Variants in DMBT1 observed in about 807,000 individuals in gnomAD.
The protein encoded by DMBT1 is deleted in malignant brain tumors 1, also known as scavenger receptor cysteine-rich domain-containing protein DMBT1.
Under a neutral mutation model 252.9 loss-of-function variants are expected in DMBT1, and 198 were observed. The ratio of observed to expected loss-of-function variants is 0.78; its 90% CI spans 0.70 to 0.88. The LOEUF is 0.88. Ranked by LOEUF, DMBT1 falls within the 40% of genes least tolerant of loss-of-function variation. The pLI is 0.00. For synonymous variants in DMBT1, 990 were observed against 942.7 expected, an observed-to-expected ratio of 1.05 and a Z score of -0.92; for missense variants, 2,432 against 2,404.7, an observed-to-expected ratio of 1.01 and a Z score of -0.24.
Position 122,598,871 on chromosome 10 carries a change from C to T in DMBT1, c.3054C>T (p.Cys1018=), listed in dbSNP as rs370910577. 2.0e-4 allele frequency: 324 copies of T among 1,613,774 alleles called. 1 individual carries two copies. The highest frequency in any genetic ancestry group is 1.6e-3 in the African/African-American group (122 of 75,038). The stretch of plus-strand genomic sequence containing the variant: ...ACCAAGGCTCCTGGGGCACCGTGTG[C>T]GATGACAGCTGGGACACCAATGATG... ...VLYQGSWGTV[C]DDSWDTNDAN... Residue 1018 remains cysteine (C), a synonymous_variant, in exon 26 of 56, where the codon TGC becomes TGT. Transcript: ENST00000338354.
intron 1 of DMBT1, 34 bp downstream of exon 1, chr10:122,560,865 T>C (rs767455945): frequency 8.6e-5 from 129 of 1,507,382 alleles, no homozygotes; most frequent in Non-Finnish European, 1.1e-4. Flanking sequence ...CATTAATTTC[T>C]CTCCTGCAGA....
At chr10:122,564,987 C>A (rs181243723) in intron 1 of DMBT1, among the ~76,000 whole-genome samples, 127 of 152,134 alleles carry the variant, frequency 8.3e-4, no homozygotes, top group Non-Finnish European at 1.4e-3. Flanking sequence ...TTTTTAACTG[C>A]ATTCAATGAA....
chr10:122,619,203 G>A, intron 41 of DMBT1, 105 bp from the exon 42 acceptor site: 1 of 1,427,946 alleles, frequency 7.0e-7, no homozygotes, highest in Non-Finnish European at 9.9e-7. Flanking sequence ...ATAGGGACTA[G>A]GATGGACTGA....
In DMBT1 at chr10:122,598,951, A is replaced by G. The variant is rs763599324; in HGVS notation, c.3134A>G (p.Asn1045Ser). 2.5e-6 allele frequency: 4 copies of G among 1,613,762 alleles called. 1 individual carries two copies. The South Asian group carries it at 4.4e-5, about 18-fold the overall frequency. Residue 1045 changes from asparagine (N) to serine (S), a missense_variant, in exon 26 of 56, where the codon AAT (asparagine) becomes AGT (serine). This residue lies in a region of DMBT1 where 1,264 missense variants were observed against 1,082.2 expected (regional missense o/e 1.17). Coordinates refer to ENST00000338354, the MANE Select transcript of DMBT1 (RefSeq NM_001377530.1). ...GCGWAMSAPG[N>S]ARFGQGSGPI... is the part of the protein sequence containing the mutation. ...GGCTGGGCCATGTCAGCCCCAGGAA[A>G]TGCCCGGTTTGGTCAGGGCTCAGGA...
Position 122,579,782 on chromosome 10 carries a change from C to A in DMBT1, c.884C>A (p.Pro295His), listed in dbSNP as rs370919826. ...GCCCAGTTTGGCCAGGGCTCAGGACCCATTGTCCTGGATGATGTGCGCTGC... is the reference window on the plus strand; with the variant it reads ...GCCCAGTTTGGCCAGGGCTCAGGACACATTGTCCTGGATGATGTGCGCTGC... ...GNAQFGQGSG[P>H]IVLDDVRCSG... Residue 295 changes from proline to histidine, a missense_variant, in exon 10 of 56, where the codon CCC becomes CAC. Coordinates refer to ENST00000338354, the MANE Select transcript of DMBT1 (RefSeq NM_001377530.1). 1 of 1,607,298 alleles carries A rather than the reference C, an allele frequency of 6.2e-7. No homozygotes were observed. Among genetic ancestry groups the A allele is most frequent in the Non-Finnish European group, 8.5e-7 (1 of 1,173,858 alleles).
chr10:122,637,602 C>G (rs2684746), intron 54 of DMBT1, among the ~76,000 whole-genome samples: 59,561 of 152,124 alleles, frequency 0.39, 13,400 homozygotes, highest in African/African-American at 0.62. Flanking sequence ...CCTGGAGCAG[C>G]TCCAGATTTT....
At chr10:122,563,051 G>A (rs924539140) in intron 1 of DMBT1, among the ~76,000 whole-genome samples, 2 of 152,248 alleles carry the variant, frequency 1.3e-5, no homozygotes, top group Non-Finnish European at 2.9e-5. Context: ...ATCTAACTCA[G>A]TGCTTGGAGC....
intron 45 of DMBT1, 38 bp downstream of exon 45, chr10:122,625,341 T>C: frequency 6.3e-7 from 1 of 1,588,650 alleles, no homozygotes; most frequent in Non-Finnish European, 8.6e-7. Context: ...ATATTTCTCT[T>C]GGGAATTCCA....
chr10:122,578,642 G>T, intron 8 of DMBT1, 76 bp from the exon 9 acceptor site: 1 of 1,298,552 alleles, frequency 7.7e-7, no homozygotes, highest in Non-Finnish European at 1.1e-6. Context: ...TGCTTGCCTG[G>T]TCCAGAGAAC....
At position 122,598,681 on chromosome 10, in the gene DMBT1, T is replaced by A. The variant is rs1384845592; in HGVS notation, c.2957-93T>A. 5 of 1,591,608 alleles carry A rather than the reference T, an allele frequency of 3.1e-6. 1 individual carries two copies. The Admixed American group carries it at 8.6e-5, about 27-fold the overall frequency. On this transcript the variant is annotated intron_variant, in intron 25 of 55. Coordinates refer to ENST00000338354, the MANE Select transcript of DMBT1 (RefSeq NM_001377530.1). ...AAGGTGACTGCCTGCCCAGGTGACT[T>A]TAGCCATTAGGACATGCCTTGAGTG...
At position 122,599,984 on chromosome 10, in the gene DMBT1, C is replaced by A. The variant is rs1017705593; in HGVS notation, c.3281-80C>A. Reference sequence around the variant, plus strand: ...AGGATGGACTGAGTGTCAGACTCGCCCATTTCTTTCCCTCCTCGTTCCACT... The same window carrying A: ...AGGATGGACTGAGTGTCAGACTCGCACATTTCTTTCCCTCCTCGTTCCACT... On this transcript the variant is annotated intron_variant, in intron 26 of 55. Coordinates refer to ENST00000338354, the MANE Select transcript of DMBT1 (RefSeq NM_001377530.1). 6.4e-6 allele frequency: 10 copies of A among 1,561,278 alleles called. No homozygotes were observed. In the South Asian group the frequency reaches 1.1e-4, roughly 18 times the overall value.
At position 122,598,762 on chromosome 10, in the gene DMBT1, G is replaced by T. The variant is rs368871859; in HGVS notation, c.2957-12G>T. On this transcript the variant is annotated splice_polypyrimidine_tract_variant and intron_variant, in intron 25 of 55. Transcript: ENST00000338354. ...ATAGGGATGGATGAAGGATTCTTGT[G>T]TTCCCCTGTAGGATCTGAATCCAGT... 137 of 1,612,714 alleles carry T rather than the reference G, an allele frequency of 8.5e-5. 2 individuals are homozygous for T. In the East Asian group the frequency reaches 1.1e-3, roughly 13 times the overall value.
chr10:122,625,834 G>A (rs1047934850), intron 45 of DMBT1, 99 bp from the exon 46 acceptor site: 11 of 1,007,562 alleles, frequency 1.1e-5, no homozygotes, highest in East Asian at 9.5e-5. Flanking sequence ...GAGAAGTCCT[G>A]TACTAAGGAA....
At chr10:122,633,463 A>C (rs2098183300) in intron 52 of DMBT1, 122 bp downstream of exon 52, 4 of 1,477,988 alleles carry the variant, frequency 2.7e-6, no homozygotes, top group Non-Finnish European at 3.6e-6. Context: ...AAGAGGGAAT[A>C]AATGGTGCTT....
Position 122,643,569 on chromosome 10 carries a change from C to A in DMBT1, c.*171C>A. 2.1e-6 allele frequency: 2 copies of A among 948,722 alleles called. No individual in the cohort carries two copies. Among genetic ancestry groups the A allele is most frequent in the Non-Finnish European group, 3.1e-6 (2 of 654,738 alleles). The allele number at this position is 948,722 out of a possible 1,614,324, so 58.8% of individuals were successfully genotyped here. On this transcript the variant is annotated 3_prime_UTR_variant, in exon 56 of 56. Transcript: ENST00000338354. Reference sequence around the variant, plus strand: ...TCCCGCCTCCCCCAAGGCTCATGGTCCTTGGAGGACCCGTTGCAGGGTGAG... The same window carrying A: ...TCCCGCCTCCCCCAAGGCTCATGGTACTTGGAGGACCCGTTGCAGGGTGAG...
chr10:122,617,408 A>C, intron 40 of DMBT1, 148 bp downstream of exon 40: 1 of 1,037,272 alleles, frequency 9.6e-7, no homozygotes, highest in Non-Finnish European at 1.4e-6. Context: ...CTAGGGAGTC[A>C]GCCCTGGGTT....
In DMBT1 at chr10:122,643,523, C is replaced by A; in HGVS notation, c.*125C>A. ...CTACATTGTGCTGCACCTGGTCATA[C>A]GGAGTTGAATCAGACCTGGTTCCCG... On this transcript the variant is annotated 3_prime_UTR_variant, in exon 56 of 56. Transcript: ENST00000338354. The A allele has an allele frequency of 1.5e-6, 2 of 1,344,270 alleles. No individual in the cohort carries two copies. Among genetic ancestry groups the A allele is most frequent in the Non-Finnish European group, 2.0e-6 (2 of 1,000,838 alleles). The allele number at this position is 1,344,270 out of a possible 1,614,324, so 83.3% of individuals were successfully genotyped here.
At chr10:122,587,908 C>T (rs1198128940) in intron 16 of DMBT1, among the ~76,000 whole-genome samples, 1 of 148,442 alleles carries the variant, frequency 6.7e-6, no homozygotes, top group African/African-American at 2.4e-5. Flanking sequence ...GGATATCCCA[C>T]ACTTCAGAGG....
In DMBT1 at chr10:122,618,068, G is replaced by C. The variant is rs765143474; in HGVS notation, c.4943G>C (p.Arg1648Pro). The change falls in exon 41 of 56, where the codon CGA (arginine) becomes CCA (proline). Residue 1648 changes from arginine to proline, a missense_variant. Coordinates refer to ENST00000338354, the MANE Select transcript of DMBT1 (RefSeq NM_001377530.1). ...CTGGTGAATGGAGGTGACAGGTGTC[G>C]AGGCCGAGTGGAGGTCCTATACCAA... ...LRLVNGGDRCRGRVEVLYQGS... is the reference protein window; with the variant it reads ...LRLVNGGDRCPGRVEVLYQGS... The C allele has an allele frequency of 6.2e-7, 1 of 1,613,662 alleles. No homozygotes were observed. The highest frequency in any genetic ancestry group is 8.5e-7 in the Non-Finnish European group (1 of 1,179,826).
Sources: allele counts gnomAD v4.1 joint callset (sites outside exome capture counted in the v4.1 genomes callset), GRCh38; gene constraint gnomAD v4.1.1; regional missense constraint gnomAD v4.1.1; transcripts MANE v1.5; gene names NCBI Gene and HGNC (gene_info 2026-07-23, HGNC 2026-07-21).